The following WWOX variants were observed in gnomAD, a reference collection of about 807,000 sequenced individuals.
WWOX encodes the protein WW domain-containing oxidoreductase.
WWOX carries 69 observed loss-of-function variants against 46.2 expected under a neutral mutation model. The observed-to-expected ratio is 1.49, with a 90% CI of 1.23 to 1.82. The LOEUF is 1.82. WWOX is among the 40% of genes most tolerant of loss of function. The probability of loss-of-function intolerance (pLI) is 0.00; values close to 1 mark genes in which losing one functional copy is unlikely to be tolerated. For synonymous variants in WWOX, 359 were observed against 202.6 expected (o/e 1.77, Z -6.56); for missense variants, 919 against 542.6 (o/e 1.69, Z -6.89).
chr16:78,501,193 C>CTCTTTTTTTTTTTTTTTTTTTTTTT (rs1567609023), intron 8 of WWOX, among the ~76,000 whole-genome samples: 17 of 90,940 alleles, frequency 1.9e-4, no homozygotes, highest in Non-Finnish European at 3.4e-4. Context: ...CTTTCTTTCT[C>CTCTTTTTTTTTTTTTTTTTTTTTTT]TTTTTTTTTT....
chr16:78,249,484 C>T (rs1330429652), intron 5 of WWOX, among the ~76,000 whole-genome samples: 3 of 152,164 alleles, frequency 2.0e-5, no homozygotes, highest in Non-Finnish European at 4.4e-5. Context: ...TCTAGAGTTC[C>T]CTTAATCCCC....
At chr16:78,445,173 C>G (rs577443918) in intron 8 of WWOX, among the ~76,000 whole-genome samples, 1 of 152,240 alleles carries the variant, frequency 6.6e-6, no homozygotes, top group African/African-American at 2.4e-5. Flanking sequence ...GTCCTAGAGT[C>G]TGGATTCTTT....
intron 8 of WWOX, among the ~76,000 whole-genome samples, chr16:78,680,586 A>G (rs1597437046): frequency 6.6e-6 from 1 of 152,352 alleles, no homozygotes; most frequent in African/African-American, 2.4e-5. Context: ...GAAGGTAGCC[A>G]GTGGACACGT....
chr16:79,038,637 C>T (rs2047913380), intron 8 of WWOX, among the ~76,000 whole-genome samples: 1 of 152,088 alleles, frequency 6.6e-6, no homozygotes, highest in Non-Finnish European at 1.5e-5. Context: ...GCAATGTCTG[C>T]CTCCCAGATT....
intron 8 of WWOX, among the ~76,000 whole-genome samples, chr16:79,133,038 C>T (rs1468588526): frequency 6.6e-6 from 1 of 152,190 alleles, no homozygotes; most frequent in Non-Finnish European, 1.5e-5. Context: ...TCTGGCTTTG[C>T]ATGAAGCTTT....
chr16:78,218,045 CTTTCT>C (rs989808733), intron 5 of WWOX, among the ~76,000 whole-genome samples: 1 of 151,952 alleles, frequency 6.6e-6, no homozygotes, highest in Non-Finnish European at 1.5e-5. Flanking sequence ...CTGTGCTTGC[CTTTCT>C]TTTCTTTTCT....
chr16:78,995,641 G>A (rs1465807483), intron 8 of WWOX, among the ~76,000 whole-genome samples: 1 of 152,172 alleles, frequency 6.6e-6, no homozygotes, highest in East Asian at 1.9e-4. Flanking sequence ...TTCTTATGTG[G>A]TTGATGGGGA....
chr16:79,085,476 A>C (rs988800587), intron 8 of WWOX, among the ~76,000 whole-genome samples: 2 of 152,128 alleles, frequency 1.3e-5, no homozygotes, highest in African/African-American at 4.8e-5. Context: ...GCACAGCCTC[A>C]GGTTTTGGTT....
At chr16:78,378,264 A>G (rs1280929280) in intron 5 of WWOX, among the ~76,000 whole-genome samples, 1 of 152,010 alleles carries the variant, frequency 6.6e-6, no homozygotes, top group Admixed American at 6.6e-5. Flanking sequence ...CAGTGAAGAG[A>G]CTCTCAAACT....
intron 8 of WWOX, among the ~76,000 whole-genome samples, chr16:78,617,760 C>A (rs570495457): frequency 6.6e-6 from 1 of 152,308 alleles, no homozygotes; most frequent in East Asian, 1.9e-4. Flanking sequence ...TTGGGCATCT[C>A]ACGCATTGGC....
intron 5 of WWOX, among the ~76,000 whole-genome samples, chr16:78,203,627 C>T (rs2036302372): frequency 6.6e-6 from 1 of 152,102 alleles, no homozygotes; most frequent in African/African-American, 2.4e-5. Flanking sequence ...CAAGAGATGT[C>T]AGTTAACATT....
At chr16:78,753,388 A>G (rs775455182) in intron 8 of WWOX, among the ~76,000 whole-genome samples, 40 of 152,182 alleles carry the variant, frequency 2.6e-4, no homozygotes, top group Admixed American at 3.3e-4. Context: ...TACAAAGACA[A>G]TGAGTAAGAA....
intron 5 of WWOX, among the ~76,000 whole-genome samples, chr16:78,308,320 G>A (rs1014474001): frequency 5.3e-5 from 8 of 152,132 alleles, no homozygotes; most frequent in Non-Finnish European, 8.8e-5. Context: ...AGGGGATTCC[G>A]AAATAAACCT....
chr16:79,020,492 A>AT (rs2047512112), intron 8 of WWOX, among the ~76,000 whole-genome samples: 1 of 152,216 alleles, frequency 6.6e-6, no homozygotes. Context: ...AGTTAGGAGG[A>AT]TTAAATGCAA....
intron 8 of WWOX, among the ~76,000 whole-genome samples, chr16:78,878,193 A>G (rs566602633): frequency 2.0e-5 from 3 of 152,298 alleles, no homozygotes; most frequent in African/African-American, 7.2e-5. Context: ...AGGAGGACAG[A>G]CCATGGATGG....
At chr16:78,505,437 A>G (rs1377100821) in intron 8 of WWOX, among the ~76,000 whole-genome samples, 1 of 152,132 alleles carries the variant, frequency 6.6e-6, no homozygotes, top group African/African-American at 2.4e-5. Flanking sequence ...GAGAAAGCCA[A>G]TCTGTTTCTC....
chr16:78,678,146 C>T (rs1055784103), intron 8 of WWOX, among the ~76,000 whole-genome samples: 4 of 152,182 alleles, frequency 2.6e-5, no homozygotes, highest in African/African-American at 7.2e-5. Flanking sequence ...GTTTTGTCTG[C>T]CTTGGTCTCT....
chr16:78,220,239 T>G (rs2036845087), intron 5 of WWOX, among the ~76,000 whole-genome samples: 1 of 152,154 alleles, frequency 6.6e-6, no homozygotes, highest in Admixed American at 6.5e-5. Context: ...TATCAATGAG[T>G]TTTACATGGT....
At chr16:78,791,129 G>A (rs1240998495) in intron 8 of WWOX, among the ~76,000 whole-genome samples, 1 of 152,108 alleles carries the variant, frequency 6.6e-6, no homozygotes, top group Non-Finnish European at 1.5e-5. Flanking sequence ...GGGGGTTGGA[G>A]GTCAGTGGGA....
Sources: allele counts gnomAD v4.1 joint callset (sites outside exome capture counted in the v4.1 genomes callset), GRCh38; gene constraint gnomAD v4.1.1; transcripts MANE v1.5; gene names NCBI Gene and HGNC (gene_info 2026-07-23, HGNC 2026-07-21).